CMSS1: variants seen among roughly 807,000 people sequenced by gnomAD.
The protein encoded by CMSS1 is cms1 ribosomal small subunit homolog.
Under a neutral mutation model 43.5 loss-of-function variants are expected in CMSS1, and 33 were observed. The observed-to-expected ratio is 0.76, with a 90% CI of 0.57 to 1.01. The LOEUF (loss-of-function observed/expected upper bound fraction) is 1.01, where lower values mean the gene tolerates loss of function less well. Among genes scored for constraint, CMSS1 ranks in the 50% least tolerant of loss-of-function variants. CMSS1 has a pLI of 0.00. For missense variants in CMSS1, 313 were observed against 326.4 expected (o/e 0.96, Z 0.32); for synonymous variants, 115 against 117.2 (o/e 0.98, Z 0.12).
At chr3:100,027,135 G>T (rs141972947) in intron 1 of CMSS1, among the ~76,000 whole-genome samples, 1 of 151,976 alleles carries the variant, frequency 6.6e-6, no homozygotes, top group Non-Finnish European at 1.5e-5. Context: ...TTACACACAT[G>T]AATACACACA....
At chr3:99,909,926 C>G (rs553958868) in intron 1 of CMSS1, among the ~76,000 whole-genome samples, 3 of 146,240 alleles carry the variant, frequency 2.1e-5, no homozygotes, top group African/African-American at 7.3e-5. Context: ...TCATTGTCAA[C>G]AAGAGCTGTT....
chr3:99,973,839 T>G (rs149441567), intron 1 of CMSS1, among the ~76,000 whole-genome samples: 9 of 152,332 alleles, frequency 5.9e-5, no homozygotes, highest in African/African-American at 1.4e-4. Context: ...GTGTTTGTTG[T>G]TGGTGGTGGG....
chr3:100,094,781 T>A (rs956933640), intron 1 of CMSS1, among the ~76,000 whole-genome samples: 5 of 147,142 alleles, frequency 3.4e-5, no homozygotes, highest in African/African-American at 7.5e-5. Flanking sequence ...CCTCCCGGGT[T>A]CATGCCATTC....
At chr3:100,177,742 G>A (rs897052074) in intron 9 of CMSS1, among the ~76,000 whole-genome samples, 1 of 152,164 alleles carries the variant, frequency 6.6e-6, no homozygotes, top group Admixed American at 6.5e-5. Context: ...AGTGCTTTGG[G>A]AGGCCAAGGT....
At chr3:100,021,915 TTGTGTGTGTGTGTGTGTGTGTGTGTGTG>T (rs61704772) in intron 1 of CMSS1, among the ~76,000 whole-genome samples, 1 of 105,958 alleles carries the variant, frequency 9.4e-6, no homozygotes. Context: ...CTAGATCCCA[TTGTGTGTGTGTGTGTGTGTGTGTGTGTG>T]TGTGTGTGTG....
intron 1 of CMSS1, chr3:100,023,220 A>C (rs1359479012): frequency 1.3e-5 from 2 of 152,360 alleles, no homozygotes; most frequent in African/African-American, 4.8e-5. Flanking sequence ...ACCCTTACAG[A>C]GATAATTCTC....
rs537334560 is a variant in CMSS1 at position 100,132,818 on chromosome 3, CAAAAAAAAAAA to C, written c.65-14143_65-14133del. Among the ~76,000 whole-genome samples, 15 of 66,360 alleles carry C rather than the reference CAAAAAAAAAAA, an allele frequency of 2.3e-4. No homozygotes were observed. The South Asian group carries it at 7.7e-3, about 34-fold the overall frequency. The allele number at this position is 66,360 out of a possible 152,430, so 43.5% of individuals were successfully genotyped here. On this transcript the variant is annotated intron_variant, in intron 1 of 9. Coordinates refer to ENST00000421999, the MANE Select transcript of CMSS1 (RefSeq NM_032359.4). ...TGGGCGACAGAGCAAGACTCCATCCCAAAAAAAAAAAAAAAAAAAAAAGAAAAAGTAAAATA... is the reference window on the plus strand; with the variant it reads ...TGGGCGACAGAGCAAGACTCCATCCCAAAAAAAAAAAGAAAAAGTAAAATA...
intron 1 of CMSS1, among the ~76,000 whole-genome samples, chr3:99,972,589 A>T (rs1559709363): frequency 1.3e-5 from 2 of 152,298 alleles, no homozygotes; most frequent in East Asian, 3.9e-4. Context: ...CAGAGTAAAT[A>T]ACGGTTCATG....
intron 1 of CMSS1, among the ~76,000 whole-genome samples, chr3:99,955,962 T>A (rs1708309036): frequency 6.6e-6 from 1 of 152,202 alleles, no homozygotes; most frequent in Non-Finnish European, 1.5e-5. Context: ...ACGTATTTAC[T>A]TGCCTAACTC....
At chr3:100,153,698 T>C (rs188052054) in intron 2 of CMSS1, among the ~76,000 whole-genome samples, 2 of 152,262 alleles carry the variant, frequency 1.3e-5, no homozygotes, top group African/African-American at 2.4e-5. Context: ...TCTCCAAATA[T>C]AGTGGCATTG....
At chr3:99,838,640 A>T (rs1942995158) in intron 1 of CMSS1, among the ~76,000 whole-genome samples, 1 of 152,162 alleles carries the variant, frequency 6.6e-6, no homozygotes, top group Non-Finnish European at 1.5e-5. Flanking sequence ...ACCCCTTGCA[A>T]CTCAGTGTGT....
chr3:99,879,925 A>G (rs964234916), intron 1 of CMSS1, among the ~76,000 whole-genome samples: 3 of 152,130 alleles, frequency 2.0e-5, no homozygotes, highest in Admixed American at 6.5e-5. Flanking sequence ...GCTTCAGACT[A>G]CAGTTGGATT....
chr3:99,849,557 C>T, intron 1 of CMSS1: 1 of 1,613,458 alleles, frequency 6.2e-7, no homozygotes, highest in Non-Finnish European at 8.5e-7. Flanking sequence ...GCTTCTTCTT[C>T]TTGAAGCCTT....
At chr3:99,860,526 T>C (rs1194301148) in intron 1 of CMSS1, among the ~76,000 whole-genome samples, 1 of 151,478 alleles carries the variant, frequency 6.6e-6, no homozygotes, top group African/African-American at 2.4e-5. Context: ...AAAGGTGAGG[T>C]TCCAGAACAA....
At chr3:99,986,536 G>T (rs886243704) in intron 1 of CMSS1, among the ~76,000 whole-genome samples, 1 of 152,138 alleles carries the variant, frequency 6.6e-6, no homozygotes, top group Non-Finnish European at 1.5e-5. Flanking sequence ...CTTATATGAG[G>T]TTGGTAGGTA....
At chr3:100,173,675 A>T (rs1267332131) in intron 8 of CMSS1, among the ~76,000 whole-genome samples, 1 of 152,196 alleles carries the variant, frequency 6.6e-6, no homozygotes, top group Non-Finnish European at 1.5e-5. Flanking sequence ...GGAGGATTGA[A>T]ATAGGCCGGG....
intron 1 of CMSS1, among the ~76,000 whole-genome samples, chr3:100,009,734 A>C (rs1281289162): frequency 6.6e-6 from 1 of 152,226 alleles, no homozygotes; most frequent in East Asian, 1.9e-4. Flanking sequence ...ATAGGAGGCA[A>C]AGATATTTGA....
intron 1 of CMSS1, among the ~76,000 whole-genome samples, chr3:99,985,075 A>G (rs1709291628): frequency 6.6e-6 from 1 of 152,234 alleles, no homozygotes; most frequent in African/African-American, 2.4e-5. Flanking sequence ...GAAGTTGCAT[A>G]TTCTGCTTAT....
intron 1 of CMSS1, among the ~76,000 whole-genome samples, chr3:100,088,122 C>T (rs1024003157): frequency 1.3e-5 from 2 of 152,074 alleles, no homozygotes; most frequent in African/African-American, 4.8e-5. Context: ...TGAGCCACTG[C>T]ACCTGGCTCT....
Sources: allele counts gnomAD v4.1 joint callset (sites outside exome capture counted in the v4.1 genomes callset), GRCh38; gene constraint gnomAD v4.1.1; transcripts MANE v1.5; gene names NCBI Gene and HGNC (gene_info 2026-07-23, HGNC 2026-07-21).